Variants in CACNG3 observed in about 807,000 individuals in gnomAD.
The protein encoded by CACNG3 is voltage-dependent calcium channel gamma-3 subunit.
Under a neutral mutation model 28.5 loss-of-function variants are expected in CACNG3, and 3 were observed. The observed-to-expected ratio is 0.11, with a 90% CI of 0.05 to 0.27. The LOEUF (loss-of-function observed/expected upper bound fraction) is 0.27, where lower values mean the gene tolerates loss of function less well. Among genes scored for constraint, CACNG3 ranks in the 10% least tolerant of loss-of-function variants. The pLI is 1.00. For synonymous variants in CACNG3, 174 were observed against 162.2 expected, an observed-to-expected ratio of 1.07 and a Z score of -0.55; for missense variants, 236 against 414.4, an observed-to-expected ratio of 0.57 and a Z score of 3.74.
At chr16:24,306,781 C>T (rs1371683423) in intron 1 of CACNG3, among the ~76,000 whole-genome samples, 2 of 152,170 alleles carry the variant, frequency 1.3e-5, no homozygotes, top group Non-Finnish European at 2.9e-5. Context: ...CCACCCACTC[C>T]AGCCCATGAA....
At chr16:24,360,365 A>G (rs942213604) in intron 3 of CACNG3, among the ~76,000 whole-genome samples, 4 of 152,218 alleles carry the variant, frequency 2.6e-5, no homozygotes, top group Non-Finnish European at 4.4e-5. Context: ...ATTCCTCTCC[A>G]GTGGGCTAAG....
Position 24,355,088 on chromosome 16 carries a change from C to A in CACNG3, c.436+115C>A, listed in dbSNP as rs1900011831. 3.8e-5 allele frequency: 39 copies of A among 1,025,126 alleles called. No homozygotes were observed. The South Asian group carries it at 6.3e-4, about 17-fold the overall frequency. The allele number at this position is 1,025,126 out of a possible 1,614,324, so 63.5% of individuals were successfully genotyped here. A position where few individuals can be genotyped will look rare whatever the true frequency, so the allele number is the denominator to read the frequency against. ...TCCAGGGAAGGAGCAAGAAAATGTT[C>A]CAGTTGTGCTAAGGATGAGAACTCC... On this transcript the variant is annotated intron_variant, in intron 3 of 3. Transcript: ENST00000005284.
intron 2 of CACNG3, among the ~76,000 whole-genome samples, chr16:24,352,630 C>T (rs1899967816): frequency 6.6e-6 from 1 of 152,072 alleles, no homozygotes; most frequent in Non-Finnish European, 1.5e-5. Context: ...CCTCTGCCTC[C>T]TGGGCTTAAG....
At chr16:24,321,585 G>T (rs1899459888) in intron 1 of CACNG3, among the ~76,000 whole-genome samples, 1 of 152,212 alleles carries the variant, frequency 6.6e-6, no homozygotes, top group African/African-American at 2.4e-5. Flanking sequence ...CACAAGAGTA[G>T]TTATGCTTGC....
At chr16:24,272,109 T>A (rs1433547658) in intron 1 of CACNG3, among the ~76,000 whole-genome samples, 2 of 130,510 alleles carry the variant, frequency 1.5e-5, no homozygotes, top group East Asian at 2.0e-4. Flanking sequence ...CTTTTTTTTT[T>A]AATCTTTAAC....
At chr16:24,283,456 T>G (rs2141352252) in intron 1 of CACNG3, among the ~76,000 whole-genome samples, 1 of 152,346 alleles carries the variant, frequency 6.6e-6, no homozygotes, top group African/African-American at 2.4e-5. Flanking sequence ...TTATGTTTTT[T>G]GTTTACTCAC....
intron 1 of CACNG3, among the ~76,000 whole-genome samples, chr16:24,306,153 T>A (rs1899182812): frequency 6.6e-6 from 1 of 152,236 alleles, no homozygotes. Flanking sequence ...CAACTCTCCA[T>A]ACATTAGTGG....
intron 1 of CACNG3, among the ~76,000 whole-genome samples, chr16:24,289,707 C>T (rs1325408601): frequency 4.6e-5 from 7 of 152,160 alleles, no homozygotes; most frequent in Non-Finnish European, 1.0e-4. Flanking sequence ...TAGCACAGCA[C>T]GCTCTGTGGC....
intron 2 of CACNG3, among the ~76,000 whole-genome samples, chr16:24,349,225 CT>C (rs149629661): frequency 0.056 from 8,462 of 152,302 alleles, 410 homozygotes; most frequent in African/African-American, 0.13. Flanking sequence ...GTTGTTTCTT[CT>C]TTTCTCCTAT....
intron 1 of CACNG3, among the ~76,000 whole-genome samples, chr16:24,275,965 G>A (rs114975367): frequency 9.5e-4 from 144 of 152,300 alleles, no homozygotes; most frequent in African/African-American, 3.4e-3. Flanking sequence ...ATTCCACATT[G>A]CAACTAGCCT....
At chr16:24,326,820 G>A (rs541546540) in intron 1 of CACNG3, among the ~76,000 whole-genome samples, 1 of 152,194 alleles carries the variant, frequency 6.6e-6, no homozygotes. Context: ...TCCTCTGGCA[G>A]CTAGAACAGA....
chr16:24,357,446 T>C (rs186172249), intron 3 of CACNG3, among the ~76,000 whole-genome samples: 10 of 152,216 alleles, frequency 6.6e-5, no homozygotes, highest in Admixed American at 1.3e-4. Flanking sequence ...TATTATTTTC[T>C]AGTATTAGAA....
rs187290981 is a variant in CACNG3, at chr16:24,313,439, A to G, written c.212-33295A>G. Among the ~76,000 whole-genome samples, 7 of 152,278 alleles carry G rather than the reference A, an allele frequency of 4.6e-5. No homozygotes were observed. The East Asian group carries it at 1.3e-3, about 29-fold the overall frequency. On this transcript the variant is annotated intron_variant, in intron 1 of 3. Coordinates refer to ENST00000005284, the MANE Select transcript of CACNG3 (RefSeq NM_006539.4). The stretch of plus-strand genomic sequence containing the variant: ...AAACCCTACACTAAGTTGTCTCAAG[A>G]GTTCCTTTCGGCACTTTTATGTTTT...
At chr16:24,354,668 CTCCT>C (rs1256308355) in intron 2 of CACNG3, among the ~76,000 whole-genome samples, 161 bp from the exon 3 acceptor site, 2 of 152,238 alleles carry the variant, frequency 1.3e-5, no homozygotes, top group Admixed American at 1.3e-4. Flanking sequence ...AGTGCCAAGA[CTCCT>C]TCTAAGCACA....
At chr16:24,294,962 C>A (rs985657762) in intron 1 of CACNG3, among the ~76,000 whole-genome samples, 1 of 152,184 alleles carries the variant, frequency 6.6e-6, no homozygotes, top group African/African-American at 2.4e-5. Context: ...CACTAGATGT[C>A]AAGCACTGCA....
At position 24,313,467 on chromosome 16, in the gene CACNG3, A is replaced by AT. The variant is rs1038124669; in HGVS notation, c.212-33260dup. On this transcript the variant is annotated intron_variant, in intron 1 of 3. Coordinates refer to ENST00000005284, the MANE Select transcript of CACNG3 (RefSeq NM_006539.4). ...TCCTTTCGGCACTTTTATGTTTTTG[A>AT]TTTTTTTATTTTTTACTTATTTATA... is the stretch of plus-strand genomic sequence containing the variant. Among the ~76,000 whole-genome samples the AT allele has an allele frequency of 2.3e-4, 35 of 152,116 alleles. No homozygotes were observed. In the Middle Eastern group the frequency reaches 0.017, roughly 74 times the overall value.
intron 1 of CACNG3, among the ~76,000 whole-genome samples, chr16:24,303,690 G>A (rs1805814379): frequency 6.6e-6 from 1 of 152,178 alleles, no homozygotes; most frequent in Admixed American, 6.6e-5. Context: ...GGCGGAGACA[G>A]GTGGATCACC....
In CACNG3 at chr16:24,305,318, A is replaced by ATG. The variant is rs1491191229; in HGVS notation, c.212-41415_212-41414insGT. ...TATATATACAAACTTATATACATAA[A>ATG]TATGTGTGTGTGTGTGTGTGTGTGT... On this transcript the variant is annotated intron_variant, in intron 1 of 3. Transcript: ENST00000005284. 2.1e-4 allele frequency among the ~76,000 whole-genome samples: 25 copies of ATG among 118,482 alleles called. 1 individual carries two copies. The highest frequency in any genetic ancestry group is 1.5e-3 in the South Asian group (5 of 3,328). The allele number at this position is 118,482 out of a possible 152,430, so 77.7% of individuals were successfully genotyped here. A position where few individuals can be genotyped will look rare whatever the true frequency, so the allele number is the denominator to read the frequency against.
At chr16:24,337,129 A>G (rs1321256013) in intron 1 of CACNG3, among the ~76,000 whole-genome samples, 1 of 152,172 alleles carries the variant, frequency 6.6e-6, no homozygotes, top group African/African-American at 2.4e-5. Flanking sequence ...TAGGATTTCA[A>G]GATAGGAATC....
Sources: allele counts gnomAD v4.1 joint callset (sites outside exome capture counted in the v4.1 genomes callset), GRCh38; gene constraint gnomAD v4.1.1; transcripts MANE v1.5; gene names NCBI Gene and HGNC (gene_info 2026-07-23, HGNC 2026-07-21).